Variants in METTL8 observed in about 807,000 individuals in gnomAD.
The protein encoded by METTL8 is tRNA N(3)-cytidine methyltransferase METTL8, mitochondrial.
In METTL8, 32 loss-of-function variants were observed where a neutral mutation model predicts 48.7. That is an observed-to-expected ratio of 0.66 (90% CI 0.50 to 0.88). The LOEUF (loss-of-function observed/expected upper bound fraction) is 0.88. Among genes scored for constraint, METTL8 ranks in the 40% least tolerant of loss-of-function variants. The pLI is 0.00. For synonymous variants in METTL8, 136 were observed against 157.1 expected, an observed-to-expected ratio of 0.87 and a Z score of 1.01; for missense variants, 464 against 474.4, an observed-to-expected ratio of 0.98 and a Z score of 0.20.
chr2:171,327,847 T>G lies in METTL8; in HGVS notation c.861-1699A>C, dbSNP rs190974228. On this transcript the variant is annotated intron_variant, in intron 7 of 9. Transcript: ENST00000375258. ...AAATCATATCTAAACCTTAAAATAT[T>G]CACTTTCAATATAAATATTTTACGT... Among the ~76,000 whole-genome samples the G allele has an allele frequency of 1.9e-3, 286 of 152,368 alleles. 1 individual carries two copies. Among genetic ancestry groups the G allele is most frequent in the African/African-American group, 6.2e-3 (256 of 41,594 alleles).
At chr2:171,423,104 C>T (rs1298908584) in intron 1 of METTL8, among the ~76,000 whole-genome samples, 4 of 152,206 alleles carry the variant, frequency 2.6e-5, no homozygotes, top group South Asian at 2.1e-4. Context: ...CCCTGCTTCA[C>T]TCTGCACTTC....
At chr2:171,377,463 G>C (rs1470536336) in intron 2 of METTL8, among the ~76,000 whole-genome samples, 1 of 152,062 alleles carries the variant, frequency 6.6e-6, no homozygotes, top group Admixed American at 6.6e-5. Flanking sequence ...CCACAGAGTG[G>C]GAGAAAATAT....
At chr2:171,342,728 T>C (rs1674887919) in intron 3 of METTL8, among the ~76,000 whole-genome samples, 1 of 152,194 alleles carries the variant, frequency 6.6e-6, no homozygotes, top group South Asian at 2.1e-4. Flanking sequence ...AGTATTTGAG[T>C]TTACAATATC....
Position 171,337,495 on chromosome 2 carries a change from C to A in METTL8, c.614G>T (p.Cys205Phe). Residue 205 changes from cysteine (C) to phenylalanine (F), a missense_variant, in exon 5 of 10, where the codon TGT (cysteine) becomes TTT (phenylalanine). By Grantham distance (205) the Cys-to-Phe change is radical. Transcript: ENST00000375258. ...NATFRILEVG[C>F]GAGNSVFPIL... ...TGGAAACACACTATTTCCAGCTCCACAACCAACCTAAAATCAAAAGAACAA... is the reference window on the plus strand; with the variant it reads ...TGGAAACACACTATTTCCAGCTCCAAAACCAACCTAAAATCAAAAGAACAA... 6.2e-7 allele frequency: 1 copy of A among 1,605,340 alleles called. No homozygotes were observed. Among genetic ancestry groups the A allele is most frequent in the African/African-American group, 1.3e-5 (1 of 74,824 alleles).
intron 1 of METTL8, among the ~76,000 whole-genome samples, chr2:171,400,529 C>T (rs1689539905): frequency 6.6e-6 from 1 of 152,080 alleles, no homozygotes; most frequent in Non-Finnish European, 1.5e-5. Flanking sequence ...GTCAGCAGTC[C>T]CCAGATTTAG....
intron 1 of METTL8, among the ~76,000 whole-genome samples, chr2:171,404,481 T>C (rs1689985212): frequency 6.6e-6 from 1 of 152,108 alleles, no homozygotes; most frequent in South Asian, 2.1e-4. Context: ...AGTGATTCAC[T>C]TCCTGGGCAG....
At chr2:171,392,335 A>T (rs996393843) in intron 1 of METTL8, 138 bp from the exon 2 acceptor site, 2 of 641,016 alleles carry the variant, frequency 3.1e-6, no homozygotes, top group Middle Eastern at 8.5e-4. Flanking sequence ...AAAGATGAGC[A>T]TAACAGCTTC....
At chr2:171,355,551 G>A (rs955702302) in intron 3 of METTL8, among the ~76,000 whole-genome samples, 2 of 152,210 alleles carry the variant, frequency 1.3e-5, no homozygotes, top group African/African-American at 4.8e-5. Flanking sequence ...GTTCAGCTAT[G>A]CCCTGCCCCC....
intron 1 of METTL8, among the ~76,000 whole-genome samples, chr2:171,421,223 AACAG>A (rs1177844130): frequency 2.6e-5 from 4 of 152,328 alleles, no homozygotes; most frequent in Non-Finnish European, 5.9e-5. Flanking sequence ...TCAATATACA[AACAG>A]ACAATTATAT....
chr2:171,382,063 T>G (rs1277030744), intron 2 of METTL8, among the ~76,000 whole-genome samples: 3 of 152,186 alleles, frequency 2.0e-5, no homozygotes, highest in Non-Finnish European at 2.9e-5. Context: ...ATTACAGGCA[T>G]GAGCCACCGC....
intron 1 of METTL8, among the ~76,000 whole-genome samples, chr2:171,397,355 A>AAC (rs1689178344): frequency 2.1e-5 from 3 of 142,814 alleles, no homozygotes; most frequent in Admixed American, 1.4e-4. Flanking sequence ...CTGTCTCTAA[A>AAC]AAAAAAAAAA....
chr2:171,381,972 C>T (rs187243142), intron 2 of METTL8, among the ~76,000 whole-genome samples: 47 of 152,044 alleles, frequency 3.1e-4, no homozygotes, highest in African/African-American at 1.0e-3. Context: ...TTAGTAGAGA[C>T]GGGGTTTCAC....
At chr2:171,375,011 C>T in intron 2 of METTL8, 1 of 1,014,886 alleles carries the variant, frequency 9.9e-7, no homozygotes, top group Non-Finnish European at 1.5e-6. Context: ...TTGTGGGCTT[C>T]ACGAGATCGA....
At chr2:171,373,794 G>A (rs1574030942) in intron 2 of METTL8, among the ~76,000 whole-genome samples, 1 of 152,144 alleles carries the variant, frequency 6.6e-6, no homozygotes, top group Non-Finnish European at 1.5e-5. Flanking sequence ...GGTTGTAGAT[G>A]TGTGGTATTA....
At chr2:171,376,959 T>TA (rs776611714) in intron 2 of METTL8, among the ~76,000 whole-genome samples, 4 of 152,116 alleles carry the variant, frequency 2.6e-5, no homozygotes, top group Admixed American at 6.6e-5. Context: ...TATCAGGCTT[T>TA]AGTTACCAAA....
At position 171,360,505 on chromosome 2, in the gene METTL8, A is replaced by C. The variant is rs1329946584; in HGVS notation, c.152T>G (p.Met51Arg). ...KVFEHNMWDH[M>R]QWSKEEEAAA... ...TGCTTCTTCTTCCTTAGACCACTGCATGTGATCCCTATTAAAAAAAAATAG... is the reference window on the plus strand; with the variant it reads ...TGCTTCTTCTTCCTTAGACCACTGCCTGTGATCCCTATTAAAAAAAAATAG... Residue 51 changes from methionine (M) to arginine (R), a missense_variant, in exon 3 of 10, where the codon ATG (methionine) becomes AGG (arginine). Met to Arg is a moderately conservative substitution (Grantham distance 91, BLOSUM62 -1). Transcript: ENST00000375258. 1.9e-6 allele frequency: 3 copies of C among 1,612,108 alleles called. No individual in the cohort carries two copies. The highest frequency in any genetic ancestry group is 1.7e-6 in the Non-Finnish European group (2 of 1,179,602).
chr2:171,413,997 T>C (rs1330365639), intron 1 of METTL8, among the ~76,000 whole-genome samples: 2 of 152,174 alleles, frequency 1.3e-5, no homozygotes, highest in African/African-American at 2.4e-5. Context: ...ATCAGAAGAA[T>C]ATATTAAGGA....
At position 171,323,967 on chromosome 2, in the gene METTL8, T is replaced by C. The variant is rs1338824271; in HGVS notation, c.*205A>G. Reference sequence around the variant, plus strand: ...ATAAATTCAAACAAGCTTGAGCATATCAAGTTTTCAAAGCACAGAAAAAGG... The same window carrying C: ...ATAAATTCAAACAAGCTTGAGCATACCAAGTTTTCAAAGCACAGAAAAAGG... On this transcript the variant is annotated 3_prime_UTR_variant, in exon 10 of 10. Coordinates refer to ENST00000375258, the MANE Select transcript of METTL8 (RefSeq NM_001321154.2). 2 of 425,052 alleles carry C rather than the reference T, an allele frequency of 4.7e-6. No individual in the cohort carries two copies. The highest frequency in any genetic ancestry group is 8.2e-6 in the Non-Finnish European group (2 of 243,282). The allele number at this position is 425,052 out of a possible 1,614,324, so 26.3% of individuals were successfully genotyped here.
rs537528372 is a variant in METTL8, at chr2:171,348,683, T to C, written c.236-9129A>G. Among the ~76,000 whole-genome samples, 5 of 152,316 alleles carry C rather than the reference T, an allele frequency of 3.3e-5. No homozygotes were observed. In the East Asian group the frequency reaches 7.7e-4, roughly 23 times the overall value. ...AAGCACATGGAAGCTTCTGGATTAA[T>C]AGTAATATTCTGTTTCTTGATATGG... On this transcript the variant is annotated intron_variant, in intron 3 of 9. Transcript: ENST00000375258.
Sources: allele counts gnomAD v4.1 joint callset (sites outside exome capture counted in the v4.1 genomes callset), GRCh38; gene constraint gnomAD v4.1.1; transcripts MANE v1.5; gene names NCBI Gene and HGNC (gene_info 2026-07-23, HGNC 2026-07-21).